MNAT1: variants seen among roughly 807,000 people sequenced by gnomAD.
The protein encoded by MNAT1 is MNAT1 component of CDK activating kinase.
MNAT1 carries 43 observed loss-of-function variants against 42.0 expected under a neutral mutation model. That is an observed-to-expected ratio of 1.02 (90% CI 0.80 to 1.32). The LOEUF (loss-of-function observed/expected upper bound fraction) is 1.32. Ranked by LOEUF, MNAT1 falls within the 40% of genes most tolerant of loss-of-function variation. The probability of loss-of-function intolerance (pLI) is 0.00; values close to 1 mark genes in which losing one functional copy is unlikely to be tolerated. For synonymous variants in MNAT1, 118 were observed against 120.0 expected (o/e 0.98, Z 0.11); for missense variants, 306 against 350.4 (o/e 0.87, Z 1.01).
intron 1 of MNAT1, among the ~76,000 whole-genome samples, chr14:60,761,969 A>C (rs927597062): frequency 6.6e-6 from 1 of 152,262 alleles, no homozygotes; most frequent in Admixed American, 6.5e-5. Context: ...GGATCAAACT[A>C]TCTAGATCTG....
chr14:60,819,898 G>A (rs2032830051), intron 6 of MNAT1, among the ~76,000 whole-genome samples: 1 of 152,126 alleles, frequency 6.6e-6, no homozygotes, highest in Admixed American at 6.5e-5. Context: ...ACACAGTATA[G>A]TACTTGGCTT....
chr14:60,745,952 A>G (rs1427456145), intron 1 of MNAT1, among the ~76,000 whole-genome samples: 1 of 152,182 alleles, frequency 6.6e-6, no homozygotes, highest in Non-Finnish European at 1.5e-5. Flanking sequence ...ACTGGTAATT[A>G]CAGTGAAGAT....
intron 1 of MNAT1, among the ~76,000 whole-genome samples, chr14:60,741,887 T>C (rs1896479285): frequency 1.3e-5 from 2 of 151,954 alleles, no homozygotes; most frequent in South Asian, 4.1e-4. Flanking sequence ...TTATCTGGAT[T>C]GACAATCTCT....
intron 1 of MNAT1, among the ~76,000 whole-genome samples, chr14:60,790,048 T>A (rs2031769611): frequency 6.6e-6 from 1 of 152,114 alleles, no homozygotes; most frequent in Admixed American, 6.6e-5. Flanking sequence ...TATGTTGAGT[T>A]TGAGGTAACT....
chr14:60,766,735 A>G lies in MNAT1; in HGVS notation c.90-29482A>G, dbSNP rs550471545. On this transcript the variant is annotated intron_variant, in intron 1 of 7. Transcript: ENST00000261245. ...AAAAAAACAAAAATCTTTTTGAGAA[A>G]CTTTTAGATATGGGACAATTAATGA... 5.3e-5 allele frequency among the ~76,000 whole-genome samples: 8 copies of G among 152,238 alleles called. No homozygotes were observed. In the East Asian group the frequency reaches 1.5e-3, roughly 29 times the overall value.
chr14:60,812,243 C>T, intron 5 of MNAT1, 116 bp downstream of exon 5: 3 of 1,038,898 alleles, frequency 2.9e-6, no homozygotes, highest in Non-Finnish European at 4.0e-6. Flanking sequence ...TCTGGTTCAC[C>T]TTTAGTTTTG....
At chr14:60,845,984 C>T (rs1354523681) in intron 6 of MNAT1, among the ~76,000 whole-genome samples, 1 of 151,992 alleles carries the variant, frequency 6.6e-6, no homozygotes, top group Non-Finnish European at 1.5e-5. Flanking sequence ...ATGGAATTTA[C>T]CAGTGAACCA....
chr14:60,797,298 C>G (rs1458285117), intron 2 of MNAT1, among the ~76,000 whole-genome samples: 1 of 151,744 alleles, frequency 6.6e-6, no homozygotes, highest in African/African-American at 2.4e-5. Flanking sequence ...TAATTCCTTG[C>G]AATTTACTGA....
At chr14:60,963,988 G>T (rs1365481607) in intron 7 of MNAT1, among the ~76,000 whole-genome samples, 1 of 152,140 alleles carries the variant, frequency 6.6e-6, no homozygotes, top group Non-Finnish European at 1.5e-5. Flanking sequence ...TCAAAGCATT[G>T]TTAAGTAGCA....
chr14:60,962,093 T>C (rs2036604033), intron 7 of MNAT1, among the ~76,000 whole-genome samples: 1 of 152,316 alleles, frequency 6.6e-6, no homozygotes, highest in South Asian at 2.1e-4. Context: ...TGCCTTACTC[T>C]GTCTCTTCCA....
At chr14:60,898,581 A>G (rs2035010810) in intron 7 of MNAT1, among the ~76,000 whole-genome samples, 1 of 151,908 alleles carries the variant, frequency 6.6e-6, no homozygotes, top group African/African-American at 2.4e-5. Flanking sequence ...GTTTCTATTC[A>G]TATTCTTTGC....
chr14:60,882,927 G>T (rs1444795232), intron 7 of MNAT1, among the ~76,000 whole-genome samples: 1 of 151,980 alleles, frequency 6.6e-6, no homozygotes, highest in East Asian at 1.9e-4. Context: ...TTTTAAGTTG[G>T]ATTATTACAT....
chr14:60,910,784 T>C (rs1284719767), intron 7 of MNAT1, among the ~76,000 whole-genome samples: 1 of 152,216 alleles, frequency 6.6e-6, no homozygotes, highest in Admixed American at 6.5e-5. Flanking sequence ...TCTAAAATTC[T>C]CTTTTTTGGT....
rs905975950 is a variant in MNAT1, at chr14:60,892,684, A to G, written c.809+12849A>G. 3.3e-5 allele frequency among the ~76,000 whole-genome samples: 5 copies of G among 151,912 alleles called. No individual in the cohort carries two copies. The East Asian group carries it at 7.7e-4, about 23-fold the overall frequency. The stretch of plus-strand genomic sequence containing the variant: ...CTTTTTCTCCCTTATTTCCTATATA[A>G]CTGTTTTCTTTGTGTTTATTTTTTA... On this transcript the variant is annotated intron_variant, in intron 7 of 7. Coordinates refer to ENST00000261245, the MANE Select transcript of MNAT1 (RefSeq NM_002431.4).
intron 7 of MNAT1, among the ~76,000 whole-genome samples, chr14:60,887,506 A>G (rs920390636): frequency 6.7e-6 from 1 of 149,456 alleles, no homozygotes; most frequent in Non-Finnish European, 1.5e-5. Context: ...TCCTTGCGAT[A>G]GTTTACTGAG....
intron 1 of MNAT1, among the ~76,000 whole-genome samples, chr14:60,738,866 T>C (rs1357242290): frequency 1.3e-5 from 2 of 152,150 alleles, no homozygotes; most frequent in African/African-American, 2.4e-5. Flanking sequence ...AATTTTTTGA[T>C]AGTTTGTTGA....
At chr14:60,840,025 G>A (rs927096772) in intron 6 of MNAT1, among the ~76,000 whole-genome samples, 6 of 152,238 alleles carry the variant, frequency 3.9e-5, no homozygotes, top group Admixed American at 1.3e-4. Context: ...CAGCCACAGA[G>A]GTTTCCAGCT....
chr14:60,756,113 T>G (rs1446336755), intron 1 of MNAT1, among the ~76,000 whole-genome samples: 1 of 152,200 alleles, frequency 6.6e-6, no homozygotes, highest in East Asian at 1.9e-4. Context: ...ATGCTTAGAT[T>G]ATTTGATAGC....
At chr14:60,872,010 G>C (rs187544645) in intron 6 of MNAT1, among the ~76,000 whole-genome samples, 89 of 152,194 alleles carry the variant, frequency 5.8e-4, no homozygotes, top group Middle Eastern at 3.4e-3. Context: ...TCTGCATTTT[G>C]TCTTTTTAAA....
Sources: gnomAD v4.1 joint callset for allele counts (sites outside exome capture counted in the v4.1 genomes callset) on GRCh38, gnomAD v4.1.1 for gene constraint, MANE v1.5 for transcripts, NCBI Gene and HGNC (gene_info 2026-07-23, HGNC 2026-07-21) for gene names.